SEMA3A: variants seen among roughly 807,000 people sequenced by gnomAD.
SEMA3A encodes semaphorin-3A.
A neutral mutation model predicts 97.9 loss-of-function variants in SEMA3A; 29 were observed. That is an observed-to-expected ratio of 0.30 (90% CI 0.22 to 0.40). The LOEUF is 0.40. Among genes scored for constraint, SEMA3A ranks in the 10% least tolerant of loss-of-function variants. The pLI is 1.00. For synonymous variants in SEMA3A, 321 were observed against 323.7 expected, an observed-to-expected ratio of 0.99 and a Z score of 0.09; for missense variants, 763 against 951.3, an observed-to-expected ratio of 0.80 and a Z score of 2.60.
chr7:84,404,573 A>G (rs996455769), intron 1 of SEMA3A, among the ~76,000 whole-genome samples: 2 of 152,122 alleles, frequency 1.3e-5, no homozygotes, highest in Admixed American at 1.3e-4. Flanking sequence ...GAGAAGAGCA[A>G]CTCCAAGACA....
chr7:84,273,251 A>G (rs1196469656), intron 3 of SEMA3A, among the ~76,000 whole-genome samples: 1 of 152,138 alleles, frequency 6.6e-6, no homozygotes, highest in Non-Finnish European at 1.5e-5. Flanking sequence ...ATTCACCTCA[A>G]GGCCAACCAC....
intron 4 of SEMA3A, among the ~76,000 whole-genome samples, chr7:84,090,711 T>TTTATTGAAA (rs1447848589): frequency 1.3e-5 from 2 of 152,196 alleles, no homozygotes; most frequent in Non-Finnish European, 2.9e-5. Context: ...TCTATATTTA[T>TTTATTGAAA]TTATTGAAAT....
At chr7:84,356,054 T>A (rs1802553625) in intron 2 of SEMA3A, among the ~76,000 whole-genome samples, 1 of 151,958 alleles carries the variant, frequency 6.6e-6, no homozygotes, top group African/African-American at 2.4e-5. Flanking sequence ...CATGTCTAAC[T>A]CATGAATTGT....
intron 1 of SEMA3A, among the ~76,000 whole-genome samples, chr7:84,150,938 C>A (rs1055003438): frequency 6.7e-6 from 1 of 149,366 alleles, no homozygotes; most frequent in Non-Finnish European, 1.5e-5. Flanking sequence ...GACCCCTGAC[C>A]CCTGAGCAGC....
rs116650549 is a variant in SEMA3A at position 84,469,355 on chromosome 7, A to G, written c.-246+23105T>C. Among the ~76,000 whole-genome samples, 1,217 of 152,246 alleles carry G rather than the reference A, an allele frequency of 8.0e-3. 16 individuals are homozygous for G. The highest frequency in any genetic ancestry group is 0.028 in the African/African-American group (1,158 of 41,560). On this transcript the variant is annotated intron_variant, in intron 1 of 3. Transcript: ENST00000424555. ...TCCAGATATAGTTTCCATAAGTTTTACTGGTTTAAACAGAAGAAAAGAGTA... is the reference window on the plus strand; with the variant it reads ...TCCAGATATAGTTTCCATAAGTTTTGCTGGTTTAAACAGAAGAAAAGAGTA...
At chr7:84,264,099 ATAT>A (rs1197787642) in intron 3 of SEMA3A, among the ~76,000 whole-genome samples, 4 of 152,118 alleles carry the variant, frequency 2.6e-5, no homozygotes, top group Non-Finnish European at 4.4e-5. Flanking sequence ...GATAGTATAT[ATAT>A]TTTTATTTTT....
At chr7:84,392,701 C>T (rs1803615483) in intron 1 of SEMA3A, among the ~76,000 whole-genome samples, 1 of 152,166 alleles carries the variant, frequency 6.6e-6, no homozygotes, top group African/African-American at 2.4e-5. Context: ...CCTGCTGACA[C>T]TTATTAACAT....
chr7:84,477,876 CAAT>C (rs575493484), intron 1 of SEMA3A, among the ~76,000 whole-genome samples: 84 of 152,256 alleles, frequency 5.5e-4, no homozygotes, highest in African/African-American at 1.9e-3. Context: ...AACACATGGT[CAAT>C]GTTGGCATTT....
At chr7:84,363,389 C>T (rs1802770213) in intron 2 of SEMA3A, among the ~76,000 whole-genome samples, 1 of 151,788 alleles carries the variant, frequency 6.6e-6, no homozygotes, top group African/African-American at 2.4e-5. Flanking sequence ...AAATATATAC[C>T]CAGGTGCCTT....
chr7:83,987,111 T>C (rs1789667402), intron 12 of SEMA3A, among the ~76,000 whole-genome samples: 1 of 149,662 alleles, frequency 6.7e-6, no homozygotes, highest in Non-Finnish European at 1.5e-5. Context: ...TTATTAATAA[T>C]ATATCTTAAT....
chr7:84,256,743 A>C (rs1799727511), intron 3 of SEMA3A, among the ~76,000 whole-genome samples: 1 of 152,086 alleles, frequency 6.6e-6, no homozygotes, highest in Admixed American at 6.6e-5. Flanking sequence ...TATGGTTAAC[A>C]TCCTTTTTTG....
intron 3 of SEMA3A, among the ~76,000 whole-genome samples, chr7:84,215,148 G>T (rs1281465484): frequency 3.3e-5 from 5 of 151,718 alleles, no homozygotes; most frequent in Non-Finnish European, 7.4e-5. Context: ...TGGGATTACA[G>T]GTGTGAGCCA....
rs572604981 is a variant in SEMA3A at position 84,324,069 on chromosome 7, C to T, written c.-168-16777G>A. Reference sequence around the variant, plus strand: ...ATGGTAAATCAACACAATGTCAAAACGTGTAAATAAATAAAATTATCTGAA... The same window carrying T: ...ATGGTAAATCAACACAATGTCAAAATGTGTAAATAAATAAAATTATCTGAA... On this transcript the variant is annotated intron_variant, in intron 2 of 3. Coordinates refer to the SEMA3A transcript ENST00000424555. 1.1e-4 allele frequency among the ~76,000 whole-genome samples: 17 copies of T among 152,198 alleles called. No individual in the cohort carries two copies. The East Asian group carries it at 1.9e-3, about 17-fold the overall frequency.
Position 84,005,358 on chromosome 7 carries a change from A to T in SEMA3A, c.1341T>A (p.Asp447Glu). Reference sequence around the variant, plus strand: ...ATTTACCTGTTCCGATAAACATAACATCATACTGTCCATCTTCTGCATCCA... The same window carrying T: ...ATTTACCTGTTCCGATAAACATAACTTCATACTGTCCATCTTCTGCATCCA... ...DRVDAEDGQYDVMFIGTDVGT... is the reference protein window; with the variant it reads ...DRVDAEDGQYEVMFIGTDVGT... The change falls in exon 11 of 17, where the codon GAT becomes GAA. Residue 447 changes from aspartate (D) to glutamate (E), a missense_variant. Asp to Glu is a conservative substitution (Grantham distance 45, BLOSUM62 2). Around this residue, in one of 2 missense-constraint regions of SEMA3A, gnomAD observed 678 missense variants for 881.3 expected, o/e 0.77. Transcript: ENST00000265362. 1.2e-6 allele frequency: 2 copies of T among 1,613,094 alleles called. No individual in the cohort carries two copies. Among genetic ancestry groups the T allele is most frequent in the Non-Finnish European group, 1.7e-6 (2 of 1,179,174 alleles).
chr7:84,193,858 A>G (rs1483464388), intron 1 of SEMA3A, among the ~76,000 whole-genome samples: 1 of 149,668 alleles, frequency 6.7e-6, no homozygotes, highest in Admixed American at 6.6e-5. Flanking sequence ...ATTAAATAAC[A>G]TAATATTTCA....
chr7:84,023,331 C>T (rs763555874), intron 6 of SEMA3A, among the ~76,000 whole-genome samples: 1 of 152,106 alleles, frequency 6.6e-6, no homozygotes. Flanking sequence ...TGGACCTATC[C>T]CTTCCACCAA....
At chr7:84,028,960 A>T (rs1242825066) in intron 6 of SEMA3A, among the ~76,000 whole-genome samples, 3 of 152,040 alleles carry the variant, frequency 2.0e-5, no homozygotes, top group Non-Finnish European at 4.4e-5. Context: ...GTCACATTTC[A>T]ACTTTGCATT....
At chr7:84,099,600 C>T (rs1794892650) in intron 4 of SEMA3A, among the ~76,000 whole-genome samples, 2 of 151,910 alleles carry the variant, frequency 1.3e-5, no homozygotes, top group Non-Finnish European at 1.5e-5. Context: ...GTGCATGAAC[C>T]ACAATATGCT....
At chr7:84,151,460 C>T (rs954870732) in intron 1 of SEMA3A, among the ~76,000 whole-genome samples, 15 of 151,604 alleles carry the variant, frequency 9.9e-5, no homozygotes, top group Non-Finnish European at 1.5e-4. Flanking sequence ...CCTCAGGAGC[C>T]GATGCGATCA....
Sources: gnomAD v4.1 joint callset for allele counts (sites outside exome capture counted in the v4.1 genomes callset) on GRCh38, gnomAD v4.1.1 for gene constraint, gnomAD v4.1.1 regional missense constraint, MANE v1.5 for transcripts, NCBI Gene and HGNC (gene_info 2026-07-23, HGNC 2026-07-21) for gene names.